DOK6: variants seen among roughly 807,000 people sequenced by gnomAD.
DOK6 encodes downstream of tyrosine kinase 6.
In DOK6, 22 loss-of-function variants were observed where a neutral mutation model predicts 44.0. The observed-to-expected ratio is 0.50, with a 90% confidence interval of 0.36 to 0.71. The LOEUF is 0.71. Ranked by LOEUF, DOK6 falls within the 30% of genes least tolerant of loss-of-function variation. DOK6 has a pLI of 0.00. For missense variants in DOK6, 340 were observed against 416.4 expected (o/e 0.82, Z 1.60); for synonymous variants, 166 against 145.5 (o/e 1.14, Z -1.01).
intron 3 of DOK6, among the ~76,000 whole-genome samples, chr18:69,602,755 G>A (rs1983902119): frequency 6.6e-6 from 1 of 152,050 alleles, no homozygotes; most frequent in South Asian, 2.1e-4. Flanking sequence ...TAATGTGGAA[G>A]TGAATAAAAA....
intron 1 of DOK6, among the ~76,000 whole-genome samples, chr18:69,461,748 T>G (rs1979794218): frequency 6.6e-6 from 1 of 152,204 alleles, no homozygotes; most frequent in Admixed American, 6.5e-5. Context: ...GCTAAGCAAA[T>G]TTTTGAAGTG....
At chr18:69,752,964 G>C (rs1213344708) in intron 6 of DOK6, among the ~76,000 whole-genome samples, 1 of 152,172 alleles carries the variant, frequency 6.6e-6, no homozygotes, top group Non-Finnish European at 1.5e-5. Context: ...AATAGGATCT[G>C]TACTGTCCTG....
At chr18:69,680,406 ACCC>A (rs1381488122) in intron 4 of DOK6, among the ~76,000 whole-genome samples, 1 of 151,960 alleles carries the variant, frequency 6.6e-6, no homozygotes, top group Non-Finnish European at 1.5e-5. Flanking sequence ...TCAAGTCTGC[ACCC>A]CCCTCTTTAA....
chr18:69,733,352 A>G (rs1241273194), intron 5 of DOK6, among the ~76,000 whole-genome samples: 1 of 152,206 alleles, frequency 6.6e-6, no homozygotes, highest in African/African-American at 2.4e-5. Context: ...ACATTCTTCC[A>G]GAGTTTAATG....
chr18:69,528,273 T>G (rs1981892747), intron 1 of DOK6, among the ~76,000 whole-genome samples: 1 of 152,158 alleles, frequency 6.6e-6, no homozygotes, highest in Non-Finnish European at 1.5e-5. Context: ...CCTCCATTCT[T>G]TCCCATGTTC....
intron 5 of DOK6, among the ~76,000 whole-genome samples, chr18:69,711,733 T>C (rs1471520887): frequency 2.6e-5 from 4 of 152,218 alleles, no homozygotes; most frequent in Non-Finnish European, 4.4e-5. Context: ...AAGTGCCAAA[T>C]AGTTAATTTT....
chr18:69,603,507 C>T (rs1347302455), intron 3 of DOK6, among the ~76,000 whole-genome samples: 1 of 152,208 alleles, frequency 6.6e-6, no homozygotes, highest in African/African-American at 2.4e-5. Flanking sequence ...CGCTGTGGCT[C>T]ACACCTGTAA....
At chr18:69,732,040 T>C (rs1400839143) in intron 5 of DOK6, among the ~76,000 whole-genome samples, 1 of 152,204 alleles carries the variant, frequency 6.6e-6, no homozygotes, top group East Asian at 1.9e-4. Context: ...AAGAGCACAC[T>C]AGCACCAAGG....
intron 1 of DOK6, among the ~76,000 whole-genome samples, chr18:69,557,500 A>G (rs1192755629): frequency 6.6e-6 from 1 of 152,190 alleles, no homozygotes; most frequent in Admixed American, 6.5e-5. Context: ...AGGAAAAGAG[A>G]TTGCTATGCG....
chr18:69,626,193 G>GT (rs1476572416), intron 3 of DOK6, among the ~76,000 whole-genome samples: 1 of 152,108 alleles, frequency 6.6e-6, no homozygotes, highest in Non-Finnish European at 1.5e-5. Flanking sequence ...AAATTGTTTA[G>GT]TGACATTTTT....
At position 69,712,280 on chromosome 18, in the gene DOK6, C is replaced by CAAAAAAA. The variant is rs869202861; in HGVS notation, c.599+13727_599+13733dup. 8.8e-4 allele frequency among the ~76,000 whole-genome samples: 20 copies of CAAAAAAA among 22,672 alleles called. 6 individuals carry two copies. Among genetic ancestry groups the CAAAAAAA allele is most frequent in the Admixed American group, 1.7e-3 (2 of 1,198 alleles). 14.9% of individuals were successfully genotyped at this position (22,672 alleles called of 152,430 possible). ...TGGGCGACAGAGCGAGACTCCGTCT[C>CAAAAAAA]AAAAAAAAAAAAAAAAAAAAAAAAA... On this transcript the variant is annotated intron_variant, in intron 5 of 7. Transcript: ENST00000382713.
chr18:69,540,197 C>T (rs1285667893), intron 1 of DOK6, among the ~76,000 whole-genome samples: 6 of 152,172 alleles, frequency 3.9e-5, no homozygotes, highest in East Asian at 1.9e-4. Flanking sequence ...GAACACAGAA[C>T]CTAACCATAT....
chr18:69,646,613 G>C (rs1471707514), intron 3 of DOK6, among the ~76,000 whole-genome samples: 2 of 152,148 alleles, frequency 1.3e-5, no homozygotes, highest in Non-Finnish European at 2.9e-5. Context: ...GTGGAGAAGG[G>C]CTGGTAGCTA....
At chr18:69,475,037 A>C (rs1448161534) in intron 1 of DOK6, among the ~76,000 whole-genome samples, 2 of 152,174 alleles carry the variant, frequency 1.3e-5, no homozygotes, top group African/African-American at 4.8e-5. Flanking sequence ...CAAGTTCCAG[A>C]AGGGTACATT....
chr18:69,841,175 T>G (rs889571300), intron 7 of DOK6, 69 bp from the exon 8 acceptor site: 1 of 1,580,992 alleles, frequency 6.3e-7, no homozygotes, highest in Non-Finnish European at 8.7e-7. Flanking sequence ...AATAGATAGA[T>G]GATAGATAGT....
chr18:69,636,709 CT>C (rs1984818261), intron 3 of DOK6, among the ~76,000 whole-genome samples: 1 of 152,160 alleles, frequency 6.6e-6, no homozygotes, highest in Non-Finnish European at 1.5e-5. Flanking sequence ...CTTGCAGTTA[CT>C]GTATCACTCC....
intron 5 of DOK6, among the ~76,000 whole-genome samples, chr18:69,698,825 T>C (rs1308321143): frequency 6.6e-6 from 1 of 152,198 alleles, no homozygotes; most frequent in Non-Finnish European, 1.5e-5. Flanking sequence ...TTTCTTACAC[T>C]ACCATCAAAC....
At chr18:69,641,984 A>G (rs1407211329) in intron 3 of DOK6, among the ~76,000 whole-genome samples, 1 of 152,206 alleles carries the variant, frequency 6.6e-6, no homozygotes, top group Non-Finnish European at 1.5e-5. Flanking sequence ...TAACCACTGG[A>G]TTTGTTTTAA....
intron 7 of DOK6, among the ~76,000 whole-genome samples, chr18:69,787,364 G>A (rs1980462987): frequency 6.6e-6 from 1 of 152,074 alleles, no homozygotes; most frequent in Admixed American, 6.6e-5. Context: ...TCCTTTTACA[G>A]TGTGTTAACT....
Sources: gnomAD v4.1 joint callset for allele counts (sites outside exome capture counted in the v4.1 genomes callset) on GRCh38, gnomAD v4.1.1 for gene constraint, MANE v1.5 for transcripts, NCBI Gene and HGNC (gene_info 2026-07-23, HGNC 2026-07-21) for gene names.